ATAD2: variants seen among roughly 807,000 people sequenced by gnomAD.
The protein encoded by ATAD2 is ATPase family AAA domain-containing protein 2.
Under a neutral mutation model 168.9 loss-of-function variants are expected in ATAD2, and 62 were observed. That is an observed-to-expected ratio of 0.37 (90% CI 0.30 to 0.45). The LOEUF is 0.45. Among genes scored for constraint, ATAD2 ranks in the 20% least tolerant of loss-of-function variants. The pLI, the probability that ATAD2 is intolerant of heterozygous loss-of-function variation, is 1.00. For synonymous variants in ATAD2, 613 were observed against 571.6 expected (o/e 1.07, Z -1.03); for missense variants, 1,419 against 1,667.8 (o/e 0.85, Z 2.60).
Position 123,402,341 on chromosome 8 carries a change from C to T in ATAD2, c.-2281-1166G>A, listed in dbSNP as rs1813013711. Among the ~76,000 whole-genome samples the T allele has an allele frequency of 6.6e-6, 1 of 152,086 alleles. No individual in the cohort carries two copies. Among genetic ancestry groups the T allele is most frequent in the Admixed American group, 6.5e-5 (1 of 15,282 alleles). ...CCCTGGGAGGCCCCCAGAGCCCAGC[C>T]AGCTGGGCTTTCAGGCCCTACGCCT... On this transcript the variant is annotated intron_variant, in intron 1 of 28. Transcript: ENST00000521903. The surrounding 1 kb of genome is among the most constrained non-coding windows in gnomAD (Gnocchi z 4.8).
chr8:123,347,194 C>A lies in ATAD2; in HGVS notation c.2110G>T (p.Val704Phe), dbSNP rs753397450. The A allele has an allele frequency of 6.2e-7, 1 of 1,614,032 alleles. No individual in the cohort carries two copies. The highest frequency in any genetic ancestry group is 1.3e-5 in the African/African-American group (1 of 74,926). ...VTSPGQALST[V>F]VKPLLQNTVD... ...GTGTTTTGCAGGAGTGGTTTCACAA[C>A]GGTGGACAGTGCCTGCCCAGGTGAT... Residue 704 changes from valine to phenylalanine, a missense_variant, in exon 16 of 28, where the codon GTT (valine) becomes TTT (phenylalanine). By Grantham distance (50) the Val-to-Phe change is conservative. Around this residue, in one of 5 missense-constraint regions of ATAD2, gnomAD observed 545 missense variants for 724.9 expected, o/e 0.75. Coordinates refer to ENST00000287394, the MANE Select transcript of ATAD2 (RefSeq NM_014109.4).
intron 1 of ATAD2, among the ~76,000 whole-genome samples, chr8:123,410,302 T>A (rs932834612): frequency 6.6e-6 from 1 of 152,170 alleles, no homozygotes; most frequent in Non-Finnish European, 1.5e-5. Context: ...TTTATTTATT[T>A]ATTAGCAGAA....
intron 2 of ATAD2, among the ~76,000 whole-genome samples, chr8:123,376,877 G>C (rs1006293469): frequency 7.3e-5 from 11 of 151,380 alleles, no homozygotes; most frequent in African/African-American, 2.4e-4. Context: ...CAGATCACTT[G>C]AGGTCAGGAG....
intron 1 of ATAD2, among the ~76,000 whole-genome samples, chr8:123,386,847 A>G (rs931559307): frequency 1.4e-4 from 21 of 151,918 alleles, no homozygotes; most frequent in South Asian, 4.2e-4. Context: ...TTTGATGTGC[A>G]TAGTGAACGG....
At chr8:123,343,977 T>C (rs972947061) in intron 19 of ATAD2, among the ~76,000 whole-genome samples, 2 of 152,226 alleles carry the variant, frequency 1.3e-5, no homozygotes, top group African/African-American at 4.8e-5. Flanking sequence ...GGCAGTTGTC[T>C]AAATTGGCAC....
At chr8:123,389,666 A>G (rs1829759025) in intron 1 of ATAD2, among the ~76,000 whole-genome samples, 1 of 150,654 alleles carries the variant, frequency 6.6e-6, no homozygotes, top group Admixed American at 6.6e-5. Context: ...AAAACTCCCA[A>G]TGGTCTACTG....
At chr8:123,401,433 T>C (rs1812997999), upstream of ATAD2, 1 of 1,410,770 alleles carries the variant, frequency 7.1e-7, no homozygotes, top group African/African-American at 1.4e-5. Context: ...TGCCATGGTG[T>C]ATTACGTCAA....
chr8:123,400,952 C>T (rs1215582891), upstream of ATAD2: 1 of 1,413,836 alleles, frequency 7.1e-7, no homozygotes, highest in Non-Finnish European at 9.9e-7. This position sits in a 1 kb window ranked among gnomAD's most constrained non-coding sequence, Gnocchi z 4.5. Flanking sequence ...CCCTCGCACC[C>T]TGTGGGTGAT....
intron 2 of ATAD2, among the ~76,000 whole-genome samples, chr8:123,372,970 G>A (rs1289775532): frequency 1.3e-5 from 2 of 150,164 alleles, no homozygotes; most frequent in African/African-American, 4.9e-5. Flanking sequence ...TCGGCTCACT[G>A]CAAGCTCCCC....
intron 26 of ATAD2, among the ~76,000 whole-genome samples, chr8:123,323,532 T>TC (rs1827530353): frequency 1.3e-5 from 2 of 152,206 alleles, no homozygotes; most frequent in Non-Finnish European, 2.9e-5. Flanking sequence ...GTGTTTTTTT[T>TC]CTCATGACTA....
Position 123,396,251 on chromosome 8 carries a change from C to G in ATAD2, c.107G>C (p.Arg36Pro), listed in dbSNP as rs556643415. 1 of 1,609,040 alleles carries G rather than the reference C, an allele frequency of 6.2e-7. No individual in the cohort carries two copies. The highest frequency in any genetic ancestry group is 1.3e-5 in the African/African-American group (1 of 74,930). The change falls in exon 1 of 28, where the codon CGG becomes CCG. Residue 36 changes from arginine (R) to proline (P), a missense_variant. Physicochemically the swap from Arg to Pro is moderately radical, Grantham distance 103. This residue lies in a region of ATAD2 where 419 missense variants were observed against 423.5 expected (regional missense o/e 0.99). Coordinates refer to ENST00000287394, the MANE Select transcript of ATAD2 (RefSeq NM_014109.4). ...CGCGCCGGCCGAGCGGAGCCGCCTC[C>G]GGCCGATGTGCTCCAGACTGAGGAA... ...SDFLSLEHIGRRRLRSAGAAQ... is the reference protein window; with the variant it reads ...SDFLSLEHIGPRRLRSAGAAQ...
chr8:123,330,524 G>A (rs991059636), intron 24 of ATAD2, among the ~76,000 whole-genome samples: 23 of 151,924 alleles, frequency 1.5e-4, no homozygotes, highest in African/African-American at 4.8e-4. Context: ...CACCGTGCCC[G>A]GCTAATTTTT....
intron 13 of ATAD2, among the ~76,000 whole-genome samples, chr8:123,355,725 T>C (rs1430519922): frequency 2.0e-5 from 3 of 152,150 alleles, no homozygotes; most frequent in Non-Finnish European, 4.4e-5. Flanking sequence ...CTTCTGCACA[T>C]CAGTAACAGG....
chr8:123,370,167 A>C, intron 6 of ATAD2, 143 bp from the exon 7 acceptor site: 1 of 711,034 alleles, frequency 1.4e-6, no homozygotes, highest in South Asian at 2.0e-5. Flanking sequence ...AAAAAACCAA[A>C]CTTATCTACT....
intron 8 of ATAD2, among the ~76,000 whole-genome samples, chr8:123,362,596 T>C (rs1357181291): frequency 4.0e-5 from 6 of 151,570 alleles, no homozygotes; most frequent in Admixed American, 1.3e-4. Context: ...TTTTTTTTTT[T>C]CGATAGAGAT....
chr8:123,371,644 T>A (rs762626848), intron 4 of ATAD2, 26 bp downstream of exon 4: 1 of 1,577,156 alleles, frequency 6.3e-7, no homozygotes, highest in Non-Finnish European at 8.6e-7. Context: ...AGATAAATCA[T>A]CTTGATCTAA....
chr8:123,345,001 T>C lies in ATAD2; in HGVS notation c.2601A>G (p.Glu867=). ...VYVPHIHVWW[E]IVGPTLKATF... is the part of the protein sequence containing the mutation. ...TGGCTTTAAGTGTCGGTCCAACTAT[T>C]TCCCACCACACGTGGATATGAGGAA... The change falls in exon 19 of 28, where the codon GAA becomes GAG. Residue 867 remains glutamate, a synonymous_variant. Transcript: ENST00000287394. 1.9e-6 allele frequency: 3 copies of C among 1,614,068 alleles called. No individual in the cohort carries two copies. The highest frequency in any genetic ancestry group is 2.5e-6 in the Non-Finnish European group (3 of 1,179,944).
upstream of ATAD2, among the ~76,000 whole-genome samples, chr8:123,396,698 G>A (rs370055057): frequency 7.2e-5 from 11 of 152,360 alleles, no homozygotes; most frequent in East Asian, 7.7e-4. Context: ...GGCGGAAGGA[G>A]ACGGTGGGAG....
intron 27 of ATAD2, among the ~76,000 whole-genome samples, chr8:123,322,469 G>A (rs1259489978): frequency 1.3e-5 from 2 of 152,172 alleles, no homozygotes; most frequent in Non-Finnish European, 2.9e-5. Flanking sequence ...AGGAGCTCAA[G>A]ATCGGCGTGG....
Sources: allele counts gnomAD v4.1 joint callset (sites outside exome capture counted in the v4.1 genomes callset), GRCh38; gene constraint gnomAD v4.1.1; regional missense constraint gnomAD v4.1.1; non-coding constraint Gnocchi (gnomAD v3.1); transcripts MANE v1.5; gene names NCBI Gene and HGNC (gene_info 2026-07-23, HGNC 2026-07-21).